CCDC171: variants seen among roughly 807,000 people sequenced by gnomAD.
The protein encoded by CCDC171 is coiled-coil domain-containing protein 171.
In CCDC171, 177 loss-of-function variants were observed where a neutral mutation model predicts 168.2. That is an observed-to-expected ratio of 1.05 (90% CI 0.93 to 1.19). The LOEUF (loss-of-function observed/expected upper bound fraction) is 1.19. Ranked by LOEUF, CCDC171 falls within the 50% of genes most tolerant of loss-of-function variation. CCDC171 has a pLI of 0.00. For missense variants in CCDC171, 1,991 were observed against 1,539.0 expected, an observed-to-expected ratio of 1.29 and a Z score of -4.91; for synonymous variants, 687 against 540.8, an observed-to-expected ratio of 1.27 and a Z score of -3.75.
chr9:16,080,241 T>A, the CCDC171 span, among the ~76,000 whole-genome samples: 2 of 152,194 alleles, frequency 1.3e-5, no homozygotes, highest in Non-Finnish European at 1.5e-5. Flanking sequence ...TCCCCAGATG[T>A]GGTCTGATTC....
chr9:16,102,150 A>G, the CCDC171 span, among the ~76,000 whole-genome samples: 2 of 152,180 alleles, frequency 1.3e-5, no homozygotes, highest in Admixed American at 1.3e-4. Context: ...AGAACAGTAA[A>G]GGAAACAGAT....
At chr9:15,624,518 T>C (rs1172385908) in intron 7 of CCDC171, among the ~76,000 whole-genome samples, 1 of 152,042 alleles carries the variant, frequency 6.6e-6, no homozygotes, top group East Asian at 1.9e-4. Flanking sequence ...TGTGTCCAAG[T>C]GTTCTCATTG....
intron 23 of CCDC171, among the ~76,000 whole-genome samples, chr9:15,868,899 C>A (rs2061907370): frequency 1.3e-5 from 2 of 151,996 alleles, no homozygotes; most frequent in South Asian, 2.1e-4. Context: ...CTGTGGATAC[C>A]AATATCCATG....
At chr9:15,735,632 AT>A (rs2054445456) in intron 16 of CCDC171, among the ~76,000 whole-genome samples, 1 of 152,204 alleles carries the variant, frequency 6.6e-6, no homozygotes, top group African/African-American at 2.4e-5. Context: ...TTGGCAAGGA[AT>A]CCAGGTGAGT....
chr9:15,665,462 G>C (rs2133142052), intron 8 of CCDC171, among the ~76,000 whole-genome samples: 2 of 152,298 alleles, frequency 1.3e-5, no homozygotes, highest in South Asian at 4.1e-4. Flanking sequence ...TTTCTTGTAA[G>C]AGAGGAAGAA....
At chr9:16,073,419 C>T in the CCDC171 span, among the ~76,000 whole-genome samples, 1 of 152,146 alleles carries the variant, frequency 6.6e-6, no homozygotes, top group South Asian at 2.1e-4. Flanking sequence ...TTTTTACAAG[C>T]ACTCTGTTCT....
At chr9:15,906,888 C>G (rs1822730545) in intron 24 of CCDC171, among the ~76,000 whole-genome samples, 2 of 151,936 alleles carry the variant, frequency 1.3e-5, no homozygotes, top group Non-Finnish European at 2.9e-5. Flanking sequence ...AACAGACAAG[C>G]AGACATCCAA....
intron 21 of CCDC171, among the ~76,000 whole-genome samples, chr9:15,840,850 A>G (rs1171050971): frequency 6.6e-6 from 1 of 151,978 alleles, no homozygotes; most frequent in Non-Finnish European, 1.5e-5. Flanking sequence ...TTAGTCTATC[A>G]CAAAGAGTTT....
chr9:15,610,859 T>C (rs1427263054), intron 6 of CCDC171, among the ~76,000 whole-genome samples: 1 of 152,050 alleles, frequency 6.6e-6, no homozygotes, highest in Non-Finnish European at 1.5e-5. Context: ...GTGCCCGGCC[T>C]GGTCTTTATT....
At chr9:15,989,050 T>C (rs1832095340) in intron 3 of CCDC171, among the ~76,000 whole-genome samples, 1 of 152,146 alleles carries the variant, frequency 6.6e-6, no homozygotes, top group Admixed American at 6.5e-5. Context: ...CAGACTTAAA[T>C]GTCCCTGTCT....
chr9:15,899,931 G>T (rs1176729522), intron 24 of CCDC171, among the ~76,000 whole-genome samples: 1 of 151,796 alleles, frequency 6.6e-6, no homozygotes, highest in Non-Finnish European at 1.5e-5. Flanking sequence ...TCTTTACCAA[G>T]CTCGAGATCC....
chr9:16,008,568 C>G (rs912699770), intron 3 of CCDC171, among the ~76,000 whole-genome samples: 34 of 152,156 alleles, frequency 2.2e-4, no homozygotes, highest in Admixed American at 1.6e-3. Flanking sequence ...TGGATCCATC[C>G]TAGTGGTTGC....
chr9:15,865,750 A>G (rs1262578184), intron 23 of CCDC171, among the ~76,000 whole-genome samples: 1 of 151,828 alleles, frequency 6.6e-6, no homozygotes, highest in Non-Finnish European at 1.5e-5. Context: ...GACTGTTTGT[A>G]GTTAAGTTTT....
intron 25 of CCDC171, among the ~76,000 whole-genome samples, chr9:15,945,201 A>G (rs1169175246): frequency 6.6e-6 from 1 of 150,450 alleles, no homozygotes; most frequent in Non-Finnish European, 1.5e-5. Context: ...CCTACAAAGG[A>G]CATGAACTCA....
At position 15,931,830 on chromosome 9, in the gene CCDC171, T is replaced by A. The variant is rs534877057; in HGVS notation, c.3753+11408T>A. Among the ~76,000 whole-genome samples, 91 of 151,990 alleles carry A rather than the reference T, an allele frequency of 6.0e-4. No homozygotes were observed. The South Asian group carries it at 0.018, about 30-fold the overall frequency. On this transcript the variant is annotated intron_variant, in intron 25 of 25. Transcript: ENST00000380701. ...AGAGGTAGGGGGTCTAATGCCATTC[T>A]TTTACATGTGGATATTTAGTTTTCC...
intron 24 of CCDC171, among the ~76,000 whole-genome samples, chr9:15,907,341 A>G (rs1822837470): frequency 6.6e-6 from 1 of 152,244 alleles, no homozygotes; most frequent in African/African-American, 2.4e-5. Context: ...CAGAGCCCTC[A>G]GAAATAATGC....
intron 11 of CCDC171, among the ~76,000 whole-genome samples, chr9:15,706,058 T>C (rs777997368): frequency 3.9e-5 from 6 of 152,222 alleles, no homozygotes; most frequent in Non-Finnish European, 7.3e-5. Flanking sequence ...GCCATCTTGA[T>C]TGCCTCTATC....
intron 20 of CCDC171, among the ~76,000 whole-genome samples, chr9:15,783,539 G>C (rs534926688): frequency 7.9e-5 from 12 of 152,134 alleles, no homozygotes; most frequent in Non-Finnish European, 1.3e-4. Context: ...TAAGTGGCCT[G>C]AATCGTTCCT....
At chr9:16,001,661 C>T (rs771765693) in intron 3 of CCDC171, among the ~76,000 whole-genome samples, 9 of 152,120 alleles carry the variant, frequency 5.9e-5, no homozygotes, top group Admixed American at 1.3e-4. Flanking sequence ...ATTCCTATAG[C>T]CGAGTGACAT....
Sources: gnomAD v4.1 joint callset for allele counts (sites outside exome capture counted in the v4.1 genomes callset) on GRCh38, gnomAD v4.1.1 for gene constraint, MANE v1.5 for transcripts, NCBI Gene and HGNC (gene_info 2026-07-23, HGNC 2026-07-21) for gene names.